Variants in TENM2 observed in about 807,000 individuals in gnomAD.
TENM2 encodes the protein teneurin-2.
TENM2 carries 52 observed loss-of-function variants against 245.2 expected under a neutral mutation model. The observed-to-expected ratio is 0.21, with a 90% CI of 0.17 to 0.27. TENM2 has a LOEUF of 0.27. Among genes scored for constraint, TENM2 ranks in the 10% least tolerant of loss-of-function variants. The pLI, the probability that TENM2 is intolerant of heterozygous loss-of-function variation, is 1.00. For synonymous variants in TENM2, 1,363 were observed against 1,438.9 expected (o/e 0.95, Z 1.19); for missense variants, 3,046 against 3,666.8 (o/e 0.83, Z 4.37).
In TENM2 at chr5:167,997,153, C is replaced by T. The variant is rs535207811; in HGVS notation, c.1186+3971C>T. 1.6e-4 allele frequency among the ~76,000 whole-genome samples: 24 copies of T among 152,288 alleles called. 1 individual carries two copies. The East Asian group carries it at 2.7e-3, about 17-fold the overall frequency. ...ACAATCATTTGACAAGCACTGACAC[C>T]GAGGCCCAGAGAGTCTAAAGTCTCC... On this transcript the variant is annotated intron_variant, in intron 5 of 28. Coordinates refer to ENST00000518659, the Ensembl canonical transcript of TENM2.
At chr5:167,824,451 G>A (rs987467105) in intron 2 of TENM2, among the ~76,000 whole-genome samples, 1 of 152,152 alleles carries the variant, frequency 6.6e-6, no homozygotes, top group Non-Finnish European at 1.5e-5. Context: ...AGAGAGGTCA[G>A]AACAAGCTTC....
chr5:167,956,582 C>G (rs1190222497), intron 4 of TENM2, among the ~76,000 whole-genome samples: 1 of 152,082 alleles, frequency 6.6e-6, no homozygotes, highest in Non-Finnish European at 1.5e-5. Flanking sequence ...AGCTTTTGGC[C>G]ATTCAGTGTG....
At chr5:167,257,044 G>T in the TENM2 span, among the ~76,000 whole-genome samples, 1 of 152,034 alleles carries the variant, frequency 6.6e-6, no homozygotes, top group African/African-American at 2.4e-5. Flanking sequence ...AATACTCTAG[G>T]AGTTAAAATT....
intron 2 of TENM2, among the ~76,000 whole-genome samples, chr5:167,769,325 C>T (rs1488077009): frequency 6.6e-6 from 1 of 152,204 alleles, no homozygotes; most frequent in Non-Finnish European, 1.5e-5. Flanking sequence ...TTCATCCTCA[C>T]TCACTCTGGT....
chr5:167,425,017 A>G (rs548599406), intron 2 of TENM2, among the ~76,000 whole-genome samples: 320 of 152,336 alleles, frequency 2.1e-3, no homozygotes, highest in Non-Finnish European at 3.5e-3. Flanking sequence ...TGCAGTTATC[A>G]TAAGGTTTTG....
chr5:167,083,112 CT>C, the TENM2 span, among the ~76,000 whole-genome samples: 1 of 152,058 alleles, frequency 6.6e-6, no homozygotes, highest in African/African-American at 2.4e-5. Flanking sequence ...GTAAAACTCT[CT>C]TTTTTTCTCC....
chr5:167,143,776 G>C, the TENM2 span, among the ~76,000 whole-genome samples: 1 of 152,146 alleles, frequency 6.6e-6, no homozygotes, highest in African/African-American at 2.4e-5. Context: ...GCCGTGCAAG[G>C]ATGGATGACC....
intron 2 of TENM2, among the ~76,000 whole-genome samples, chr5:167,583,249 T>G (rs191229546): frequency 6.6e-6 from 1 of 152,190 alleles, no homozygotes; most frequent in African/African-American, 2.4e-5. Context: ...TTAATATGCC[T>G]TGCACACATT....
At chr5:167,142,299 G>A in the TENM2 span, among the ~76,000 whole-genome samples, 1 of 151,946 alleles carries the variant, frequency 6.6e-6, no homozygotes, top group South Asian at 2.1e-4. Context: ...ACCTAGACCT[G>A]TTTAGGTACA....
intron 4 of TENM2, among the ~76,000 whole-genome samples, chr5:167,971,150 T>C (rs1781745665): frequency 6.6e-6 from 1 of 151,546 alleles, no homozygotes; most frequent in Non-Finnish European, 1.5e-5. Flanking sequence ...AATAGCTAAT[T>C]CAGGCAGAAA....
rs1423663303 is a variant in TENM2, at chr5:167,408,233, A to C, written c.502+32760A>C. On this transcript the variant is annotated intron_variant, in intron 2 of 28. Coordinates refer to ENST00000518659, the Ensembl canonical transcript of TENM2. Reference sequence around the variant, plus strand: ...CTTTCCAATCATTTCAACTCCTAAAAGTAGAAGGAAGCTTGGAACTGGAGG... The same window carrying C: ...CTTTCCAATCATTTCAACTCCTAAACGTAGAAGGAAGCTTGGAACTGGAGG... Among the ~76,000 whole-genome samples the C allele has an allele frequency of 2.6e-5, 4 of 152,300 alleles. No homozygotes were observed. The East Asian group carries it at 7.7e-4, about 29-fold the overall frequency.
the TENM2 span, among the ~76,000 whole-genome samples, chr5:167,144,962 T>TTTTA: frequency 2.0e-5 from 3 of 152,186 alleles, no homozygotes; most frequent in Non-Finnish European, 4.4e-5. Flanking sequence ...ATCCTTTCCT[T>TTTTA]GTCCTTTATT....
intron 2 of TENM2, among the ~76,000 whole-genome samples, chr5:167,800,310 C>T (rs1765617224): frequency 6.6e-6 from 1 of 152,190 alleles, no homozygotes. Flanking sequence ...CTAGTAGTAG[C>T]TCCATAGTCC....
At chr5:167,100,389 C>T in the TENM2 span, among the ~76,000 whole-genome samples, 5 of 152,010 alleles carry the variant, frequency 3.3e-5, no homozygotes, top group South Asian at 2.1e-4. Context: ...AGTTGTCACC[C>T]GGCGCTCACT....
the TENM2 span, among the ~76,000 whole-genome samples, chr5:167,245,568 G>A: frequency 6.7e-6 from 1 of 150,034 alleles, no homozygotes; most frequent in Non-Finnish European, 1.5e-5. Context: ...TACAAAGAAT[G>A]CTATCTGTTT....
chr5:167,139,405 T>A, the TENM2 span, among the ~76,000 whole-genome samples: 1 of 152,262 alleles, frequency 6.6e-6, no homozygotes, highest in Admixed American at 6.5e-5. Context: ...TGTTTTGTGA[T>A]CTATATTCCC....
At chr5:167,923,243 C>T (rs1460398490) in intron 3 of TENM2, among the ~76,000 whole-genome samples, 1 of 151,916 alleles carries the variant, frequency 6.6e-6, no homozygotes, top group Middle Eastern at 3.4e-3. Flanking sequence ...CGCTTGAACC[C>T]GAGAGGTGGA....
rs750440263 is a variant in TENM2 at position 168,127,008 on chromosome 5, A to T, written c.2422+42A>T. 16 of 1,487,356 alleles carry T rather than the reference A, an allele frequency of 1.1e-5. No homozygotes were observed. The South Asian group carries it at 1.9e-4, about 17-fold the overall frequency. 92.1% of individuals were successfully genotyped at this position (1,487,356 alleles called of 1,614,324 possible). A position where few individuals can be genotyped will look rare whatever the true frequency, so the allele number is the denominator to read the frequency against. On this transcript the variant is annotated intron_variant, in intron 12 of 28. Transcript: ENST00000518659. The stretch of plus-strand genomic sequence containing the variant: ...TTTCATAAATTGTAGATCTATAGTG[A>T]TGGTCGCGCATGGCAACTGGCTGTT...
intron 5 of TENM2, among the ~76,000 whole-genome samples, chr5:168,044,931 A>T (rs74990811): frequency 2.8e-5 from 4 of 142,882 alleles, no homozygotes; most frequent in African/African-American, 7.7e-5. Context: ...ATGGCTGATT[A>T]AAAAAAAAAA....
Sources: gnomAD v4.1 joint callset for allele counts (sites outside exome capture counted in the v4.1 genomes callset) on GRCh38, gnomAD v4.1.1 for gene constraint, MANE v1.5 for transcripts, NCBI Gene and HGNC (gene_info 2026-07-23, HGNC 2026-07-21) for gene names.